Variants in NLRP1 observed in about 807,000 individuals in gnomAD.
NLRP1 encodes NLR family pyrin domain containing 1.
Under a neutral mutation model 136.7 loss-of-function variants are expected in NLRP1, and 94 were observed. The ratio of observed to expected loss-of-function variants is 0.69; its 90% CI spans 0.58 to 0.82. NLRP1 has a LOEUF of 0.82. Among genes scored for constraint, NLRP1 ranks in the 40% least tolerant of loss-of-function variants. The probability of loss-of-function intolerance (pLI) is 0.00; values close to 1 mark genes in which losing one functional copy is unlikely to be tolerated. For synonymous variants in NLRP1, 690 were observed against 725.1 expected, an observed-to-expected ratio of 0.95 and a Z score of 0.78; for missense variants, 1,575 against 1,802.7, an observed-to-expected ratio of 0.87 and a Z score of 2.29.
chr17:5,567,025 T>C (rs1015101656), intron 3 of NLRP1, among the ~76,000 whole-genome samples: 1 of 152,140 alleles, frequency 6.6e-6, no homozygotes, highest in African/African-American at 2.4e-5. Context: ...AATATATTTT[T>C]CCATCACTTC....
chr17:5,525,643 A>G, intron 12 of NLRP1, among the ~76,000 whole-genome samples: 1 of 152,248 alleles, frequency 6.6e-6, no homozygotes, highest in South Asian at 2.1e-4. Flanking sequence ...AGGGTTGTCT[A>G]GCAGAGCAGC....
In NLRP1 at chr17:5,504,420, G is replaced by C. The variant is rs1405274318; in HGVS notation, c.4070-2548C>G. ...GGATCACCTGAGGTCAGGAGTTCGA[G>C]ACCAGTCTGGCCAACATGGCAAAAC... On this transcript the variant is annotated intron_variant, in intron 15 of 15. Transcript: ENST00000262467. This position sits in a 1 kb window ranked among gnomAD's most constrained non-coding sequence, Gnocchi z 4.4. 1 of 152,216 alleles carries C rather than the reference G, an allele frequency of 6.6e-6. No individual in the cohort carries two copies. The highest frequency in any genetic ancestry group is 1.5e-5 in the Non-Finnish European group (1 of 68,156). The allele number at this position is 152,216 out of a possible 1,614,324, so 9.4% of individuals were successfully genotyped here. A position where few individuals can be genotyped will look rare whatever the true frequency, so the allele number is the denominator to read the frequency against.
At chr17:5,501,727 T>G (rs1418251826) in exon 16 of NLRP1, 6 of 1,072,068 alleles carry the variant, frequency 5.6e-6, no homozygotes, top group Non-Finnish European at 8.7e-6. Context: ...AGCCCATTTC[T>G]CAGACCCACC....
At chr17:5,512,807 G>GCAT (rs1368257563), downstream of NLRP1, among the ~76,000 whole-genome samples, 1 of 152,252 alleles carries the variant, frequency 6.6e-6, no homozygotes, top group Non-Finnish European at 1.5e-5. Flanking sequence ...GTGAAAATTA[G>GCAT]CATATAATGA....
At chr17:5,534,514 C>T (rs1472115953) in intron 8 of NLRP1, among the ~76,000 whole-genome samples, 1 of 152,174 alleles carries the variant, frequency 6.6e-6, no homozygotes, top group Non-Finnish European at 1.5e-5. Flanking sequence ...CTTCCTCGCC[C>T]ACCCTAAGAG....
chr17:5,523,121 G>T (rs146304395), intron 12 of NLRP1, among the ~76,000 whole-genome samples: 59 of 152,130 alleles, frequency 3.9e-4, no homozygotes, highest in African/African-American at 1.3e-3. Context: ...GTAGCAGTTG[G>T]GTGAAGAGTC....
chr17:5,521,882 T>C, intron 12 of NLRP1, 96 bp from the exon 13 acceptor site: 1 of 1,251,730 alleles, frequency 8.0e-7, no homozygotes, highest in Non-Finnish European at 1.1e-6. Context: ...TGGAGTGCAA[T>C]GGTACAATCT....
chr17:5,569,392 T>C (rs2151815766), intron 3 of NLRP1, among the ~76,000 whole-genome samples: 1 of 152,142 alleles, frequency 6.6e-6, no homozygotes, highest in East Asian at 1.9e-4. Context: ...TCACATGCAA[T>C]GACATTCATA....
rs1479798998 is a variant in NLRP1 at position 5,553,440 on chromosome 17, A to G, written c.2474T>C (p.Val825Ala). The change falls in exon 5 of 17, where the codon GTG becomes GCG. Residue 825 changes from valine (V) to alanine (A), a missense_variant. By Grantham distance (64) the Val-to-Ala change is moderately conservative. Coordinates refer to ENST00000572272, the MANE Select transcript of NLRP1 (RefSeq NM_033004.4). ...TCTCAGGGTCTTACAAAGACTCTTC[A>G]CTGCAGAGTGGCTCAGCGAGTTTCC... ...LSGNSLSHSA[V>A]KSLCKTLRRP... 6.8e-6 allele frequency: 11 copies of G among 1,614,060 alleles called. No homozygotes were observed. In the African/African-American group the frequency reaches 1.1e-4, roughly 16 times the overall value.
intron 3 of NLRP1, among the ~76,000 whole-genome samples, chr17:5,570,889 A>G (rs539707124): frequency 1.3e-5 from 2 of 152,340 alleles, no homozygotes; most frequent in South Asian, 4.1e-4. Context: ...TGAATCCAGC[A>G]GCACGTCAAA....
intron 3 of NLRP1, among the ~76,000 whole-genome samples, chr17:5,579,602 T>A (rs1236063031): frequency 2.0e-5 from 3 of 152,204 alleles, no homozygotes; most frequent in South Asian, 4.1e-4. Context: ...CCCAAAGGAA[T>A]GTAGAGCATT....
At chr17:5,533,416 T>C (rs1910580053) in intron 9 of NLRP1, 32 bp from the exon 10 acceptor site, 2 of 804,094 alleles carry the variant, frequency 2.5e-6, no homozygotes, top group Admixed American at 4.0e-5. Context: ...CAGCCAGGCA[T>C]GGTGGTGAGC....
intron 3 of NLRP1, among the ~76,000 whole-genome samples, chr17:5,572,770 A>G (rs1441969311): frequency 2.0e-5 from 3 of 152,110 alleles, no homozygotes; most frequent in African/African-American, 7.2e-5. Context: ...AAGAAGACAT[A>G]CACATGGCCA....
chr17:5,577,369 G>A (rs143648790), intron 3 of NLRP1, among the ~76,000 whole-genome samples: 4 of 152,120 alleles, frequency 2.6e-5, no homozygotes, highest in Non-Finnish European at 5.9e-5. Flanking sequence ...AAACCCCATC[G>A]TCTCAGCCCA....
At chr17:5,513,935 G>C (rs748227045), downstream of NLRP1, among the ~76,000 whole-genome samples, 2 of 152,098 alleles carry the variant, frequency 1.3e-5, no homozygotes, top group African/African-American at 2.4e-5. Flanking sequence ...GACAGTTTAC[G>C]AACGCCATGG....
chr17:5,561,739 G>C, intron 3 of NLRP1, among the ~76,000 whole-genome samples: 1 of 113,880 alleles, frequency 8.8e-6, no homozygotes, highest in East Asian at 2.3e-4. Context: ...CACCGCGCCC[G>C]GCCCCATGTG....
downstream of NLRP1, chr17:5,511,933 A>G: frequency 2.9e-6 from 1 of 339,660 alleles, no homozygotes; most frequent in Non-Finnish European, 5.5e-6. Flanking sequence ...TCATACTGAT[A>G]TTTACAGTAT....
Position 5,537,393 on chromosome 17 carries a change from A to G in NLRP1, c.2871-453T>C, listed in dbSNP as rs1440738781. On this transcript the variant is annotated intron_variant, in intron 7 of 16. Transcript: ENST00000572272. This position sits in a 1 kb window ranked among gnomAD's most constrained non-coding sequence, Gnocchi z 4.5. ...ATTTCCCCATGGCCTCAAAATGACC[A>G]CCTCAGGCCTGGGTCCTGGGATTTT... 1.3e-5 allele frequency among the ~76,000 whole-genome samples: 2 copies of G among 152,048 alleles called. No homozygotes were observed. Among genetic ancestry groups the G allele is most frequent in the South Asian group, 2.1e-4 (1 of 4,828 alleles).
intron 13 of NLRP1, 43 bp downstream of exon 13, chr17:5,521,481 C>T (rs755084779): frequency 2.1e-5 from 33 of 1,589,198 alleles, no homozygotes; most frequent in Middle Eastern, 2.1e-4. Context: ...TTGTGTTTAC[C>T]GTCAACCCAC....
Sources: gnomAD v4.1 joint callset for allele counts (sites outside exome capture counted in the v4.1 genomes callset) on GRCh38, gnomAD v4.1.1 for gene constraint, Gnocchi (gnomAD v3.1) non-coding constraint, MANE v1.5 for transcripts, NCBI Gene and HGNC (gene_info 2026-07-23, HGNC 2026-07-21) for gene names.